The following ANKS1B variants were observed in gnomAD, a reference collection of about 807,000 sequenced individuals.
ANKS1B encodes ankyrin repeat and sterile alpha motif domain-containing protein 1B.
In ANKS1B, 36 loss-of-function variants were observed where a neutral mutation model predicts 148.3. The ratio of observed to expected loss-of-function variants is 0.24; its 90% CI spans 0.19 to 0.32. The LOEUF (loss-of-function observed/expected upper bound fraction) is 0.32, where lower values mean the gene tolerates loss of function less well. Ranked by LOEUF, ANKS1B falls within the 10% of genes least tolerant of loss-of-function variation. The probability of loss-of-function intolerance (pLI) is 1.00; values close to 1 mark genes in which losing one functional copy is unlikely to be tolerated. For missense variants in ANKS1B, 1,157 were observed against 1,542.6 expected (o/e 0.75, Z 4.19); for synonymous variants, 542 against 560.8 (o/e 0.97, Z 0.47).
At chr12:99,454,145 T>C (rs1033638020) in intron 10 of ANKS1B, among the ~76,000 whole-genome samples, 3 of 152,084 alleles carry the variant, frequency 2.0e-5, no homozygotes, top group Non-Finnish European at 4.4e-5. Context: ...GAAAAGTGAA[T>C]GGAGATGATG....
At chr12:99,320,550 T>G (rs1293561172) in intron 12 of ANKS1B, among the ~76,000 whole-genome samples, 1 of 152,174 alleles carries the variant, frequency 6.6e-6, no homozygotes, top group Non-Finnish European at 1.5e-5. Context: ...CATCCGGTCA[T>G]TTAAGGTCTT....
chr12:99,261,598 C>T (rs2075930396), intron 12 of ANKS1B, among the ~76,000 whole-genome samples: 1 of 152,134 alleles, frequency 6.6e-6, no homozygotes, highest in Non-Finnish European at 1.5e-5. Context: ...CTCCTTTTCT[C>T]TCACACCCCA....
intron 9 of ANKS1B, chr12:99,647,725 TA>T: frequency 5.7e-6 from 1 of 176,848 alleles, no homozygotes; most frequent in Middle Eastern, 2.8e-3. Flanking sequence ...TAGGGGAGGA[TA>T]AAAGTGGTCC....
In ANKS1B at chr12:99,881,556, G is replaced by A. The variant is rs150122504; in HGVS notation, c.135-56167C>T. Reference sequence around the variant, plus strand: ...AACCAAAAAATACTGGGGATATTGCGGAGAAAGGGTTGGGATATGAGCCCG... The same window carrying A: ...AACCAAAAAATACTGGGGATATTGCAGAGAAAGGGTTGGGATATGAGCCCG... On this transcript the variant is annotated intron_variant, in intron 1 of 26. Transcript: ENST00000683438. Among the ~76,000 whole-genome samples, 1,015 of 152,274 alleles carry A rather than the reference G, an allele frequency of 6.7e-3. 13 individuals carry two copies. Among genetic ancestry groups the A allele is most frequent in the African/African-American group, 0.023 (953 of 41,544 alleles).
At chr12:99,514,458 G>A (rs1036769941) in intron 9 of ANKS1B, among the ~76,000 whole-genome samples, 5 of 152,038 alleles carry the variant, frequency 3.3e-5, no homozygotes, top group Admixed American at 2.0e-4. Context: ...TTATATTTAT[G>A]CAGTGTTTTA....
intron 17 of ANKS1B, among the ~76,000 whole-genome samples, chr12:99,019,299 T>G (rs1300664707): frequency 6.6e-6 from 1 of 152,218 alleles, no homozygotes; most frequent in Non-Finnish European, 1.5e-5. Context: ...TCTCATGCAG[T>G]TAATAAAATT....
rs766259279 is a variant in ANKS1B at position 98,745,866 on chromosome 12, C to T, written c.3748-17G>A. 1 of 1,609,414 alleles carries T rather than the reference C, an allele frequency of 6.2e-7. No individual in the cohort carries two copies. Among genetic ancestry groups the T allele is most frequent in the East Asian group, 2.3e-5 (1 of 44,400 alleles). ...GTCGATCTGCTTTAAAACAGAAAGG[C>T]TGATGCCTGTTATACGGTCGCCGCG... On this transcript the variant is annotated splice_polypyrimidine_tract_variant and intron_variant, in intron 26 of 26. Transcript: ENST00000683438.
chr12:99,472,277 T>G (rs184567567), intron 10 of ANKS1B, among the ~76,000 whole-genome samples: 87 of 152,238 alleles, frequency 5.7e-4, no homozygotes, highest in Admixed American at 1.7e-3. Flanking sequence ...GCGTCTTCTC[T>G]GGCTCGGTCA....
Position 98,850,097 on chromosome 12 carries a change from A to AGG in ANKS1B, c.2779-17962_2779-17961insCC, listed in dbSNP as rs1595449115. The stretch of plus-strand genomic sequence containing the variant: ...AATTTATGTGACTTCCAAATAACAC[A>AGG]GAGACAGACAGACAACCCCATGACA... On this transcript the variant is annotated intron_variant, in intron 17 of 26. Transcript: ENST00000683438. Among the ~76,000 whole-genome samples, 4 of 1,766 alleles carry AGG rather than the reference A, an allele frequency of 2.3e-3. No individual in the cohort carries two copies. The East Asian group carries it at 0.5, about 221-fold the overall frequency. The allele number at this position is 1,766 out of a possible 152,430, so 1.2% of individuals were successfully genotyped here. A position where few individuals can be genotyped will look rare whatever the true frequency, so the allele number is the denominator to read the frequency against.
intron 17 of ANKS1B, among the ~76,000 whole-genome samples, chr12:98,999,890 A>G (rs1220238529): frequency 6.6e-6 from 1 of 152,156 alleles, no homozygotes; most frequent in African/African-American, 2.4e-5. Flanking sequence ...CTTCTCCCAC[A>G]GTGTGAAGGA....
At chr12:99,511,822 C>G (rs1184674196) in intron 9 of ANKS1B, among the ~76,000 whole-genome samples, 2 of 151,990 alleles carry the variant, frequency 1.3e-5, no homozygotes, top group Non-Finnish European at 2.9e-5. Flanking sequence ...AGAGGATTCT[C>G]TATTTTAAAA....
At chr12:99,589,830 T>C (rs2153233660) in intron 9 of ANKS1B, among the ~76,000 whole-genome samples, 1 of 152,068 alleles carries the variant, frequency 6.6e-6, no homozygotes, top group East Asian at 1.9e-4. Flanking sequence ...ATTAGAATGC[T>C]CCTAACACAA....
chr12:99,120,505 G>T (rs1179523010), intron 15 of ANKS1B, among the ~76,000 whole-genome samples: 1 of 152,132 alleles, frequency 6.6e-6, no homozygotes, highest in Non-Finnish European at 1.5e-5. Context: ...CTTTGGGCCA[G>T]AAAACTGTTA....
At chr12:99,269,707 C>T (rs972539422) in intron 12 of ANKS1B, among the ~76,000 whole-genome samples, 1 of 152,022 alleles carries the variant, frequency 6.6e-6, no homozygotes, top group African/African-American at 2.4e-5. Flanking sequence ...CACAGGCGCC[C>T]GCCACCACGC....
At chr12:98,953,419 C>T (rs2099856963) in intron 17 of ANKS1B, among the ~76,000 whole-genome samples, 1 of 151,844 alleles carries the variant, frequency 6.6e-6, no homozygotes, top group African/African-American at 2.4e-5. Context: ...TCCCAAAATG[C>T]TGAAATTACA....
rs905401132 is a variant in ANKS1B, at chr12:98,779,598, G to GA, written c.3441+1518dup. Among the ~76,000 whole-genome samples the GA allele has an allele frequency of 4.0e-5, 6 of 150,900 alleles. No individual in the cohort carries two copies. The East Asian group carries it at 5.8e-4, about 15-fold the overall frequency. On this transcript the variant is annotated intron_variant, in intron 24 of 26. Coordinates refer to ENST00000683438, the MANE Select transcript of ANKS1B (RefSeq NM_001352186.2). ...ATAGAGGGAGTTGTTTCAATTTAGGGAAAAAAAAATCCAGGTGCCAAAGTC... is the reference window on the plus strand; with the variant it reads ...ATAGAGGGAGTTGTTTCAATTTAGGGAAAAAAAAAATCCAGGTGCCAAAGTC...
intron 14 of ANKS1B, chr12:99,154,633 A>T (rs562443998): frequency 6.9e-7 from 1 of 1,448,310 alleles, no homozygotes; most frequent in East Asian, 2.5e-5. Flanking sequence ...CATTTCTTAC[A>T]TATTAATCTT....
intron 17 of ANKS1B, among the ~76,000 whole-genome samples, chr12:98,905,059 G>A (rs1234525881): frequency 6.6e-6 from 1 of 152,094 alleles, no homozygotes; most frequent in Non-Finnish European, 1.5e-5. Context: ...CATTGACATG[G>A]TATCTGGATT....
intron 8 of ANKS1B, among the ~76,000 whole-genome samples, chr12:99,688,499 T>C (rs533162150): frequency 3.7e-4 from 57 of 152,310 alleles, no homozygotes; most frequent in African/African-American, 1.3e-3. Context: ...AAATAACAAA[T>C]GCCTCTTGAT....
Sources: allele counts gnomAD v4.1 joint callset (sites outside exome capture counted in the v4.1 genomes callset), GRCh38; gene constraint gnomAD v4.1.1; transcripts MANE v1.5; gene names NCBI Gene and HGNC (gene_info 2026-07-23, HGNC 2026-07-21).